The following RBFOX3 variants were observed in gnomAD, a reference collection of about 807,000 sequenced individuals.
RBFOX3 encodes the protein RNA binding fox-1 homolog 3, also known as RNA binding protein fox-1 homolog 3.
In RBFOX3, 17 loss-of-function variants were observed where a neutral mutation model predicts 48.7. That is an observed-to-expected ratio of 0.35 (90% CI 0.24 to 0.52). RBFOX3 has a LOEUF of 0.52. RBFOX3 is among the 20% of genes least tolerant of loss of function. RBFOX3 has a pLI of 0.94. For missense variants in RBFOX3, 382 were observed against 497.5 expected (o/e 0.77, Z 2.21); for synonymous variants, 212 against 209.5 (o/e 1.01, Z -0.10).
chr17:79,596,988 C>T (rs1390406306), intron 1 of RBFOX3, among the ~76,000 whole-genome samples: 7 of 152,188 alleles, frequency 4.6e-5, no homozygotes, highest in African/African-American at 9.7e-5. Context: ...GTCTACTTAA[C>T]GAGCCACGCC....
At chr17:79,172,448 G>A (rs1599795100) in intron 4 of RBFOX3, among the ~76,000 whole-genome samples, 1 of 152,330 alleles carries the variant, frequency 6.6e-6, no homozygotes, top group East Asian at 1.9e-4. Flanking sequence ...GAGGCCTGTG[G>A]TCATGGGAGT....
At chr17:79,340,298 C>CAAA (rs57048189) in intron 2 of RBFOX3, among the ~76,000 whole-genome samples, 1 of 117,652 alleles carries the variant, frequency 8.5e-6, no homozygotes, top group Non-Finnish European at 2.0e-5. Flanking sequence ...GACTCCATCT[C>CAAA]AAAAAAAAAA....
At chr17:79,218,942 C>T (rs116438283) in intron 4 of RBFOX3, among the ~76,000 whole-genome samples, 3 of 152,334 alleles carry the variant, frequency 2.0e-5, no homozygotes, top group African/African-American at 4.8e-5. Flanking sequence ...TTGACCCTCG[C>T]GATTCTGACT....
In RBFOX3 at chr17:79,198,866, T is replaced by C. The variant is rs768370225; in HGVS notation, c.-34+36900A>G. On this transcript the variant is annotated intron_variant, in intron 4 of 14. Coordinates refer to ENST00000693108, the MANE Select transcript of RBFOX3 (RefSeq NM_001350451.2). The surrounding 1 kb of genome is among the most constrained non-coding windows in gnomAD (Gnocchi z 8.2). Reference sequence around the variant, plus strand: ...CTAATCTCGAACTCCTGACCTCAGGTGATCCACTCGCCTCGGCCTCCCAAA... The same window carrying C: ...CTAATCTCGAACTCCTGACCTCAGGCGATCCACTCGCCTCGGCCTCCCAAA... Among the ~76,000 whole-genome samples, 4 of 152,142 alleles carry C rather than the reference T, an allele frequency of 2.6e-5. No homozygotes were observed. The highest frequency in any genetic ancestry group is 4.4e-5 in the Non-Finnish European group (3 of 68,022).
chr17:79,568,395 G>T (rs1384935866), intron 1 of RBFOX3, among the ~76,000 whole-genome samples: 3 of 152,094 alleles, frequency 2.0e-5, no homozygotes, highest in Admixed American at 1.3e-4. Flanking sequence ...ATGCTCACTG[G>T]AGCATTTTGG....
At chr17:79,616,895 G>A in the RBFOX3 span, among the ~76,000 whole-genome samples, 1 of 152,198 alleles carries the variant, frequency 6.6e-6, no homozygotes, top group African/African-American at 2.4e-5. Context: ...GGAGACCTTG[G>A]AGGTCAGAGA....
At chr17:79,149,360 G>T (rs1300884639) in intron 4 of RBFOX3, among the ~76,000 whole-genome samples, 2 of 152,176 alleles carry the variant, frequency 1.3e-5, no homozygotes, top group African/African-American at 4.8e-5. Flanking sequence ...GCACGGGGGA[G>T]GACAAAGGGG....
chr17:79,483,061 G>C (rs1162521917), intron 1 of RBFOX3, among the ~76,000 whole-genome samples: 1 of 152,050 alleles, frequency 6.6e-6, no homozygotes, highest in Non-Finnish European at 1.5e-5. Flanking sequence ...ATATTCATCA[G>C]ATGATGTCAC....
At chr17:79,467,365 G>A (rs2076455764) in intron 2 of RBFOX3, among the ~76,000 whole-genome samples, 1 of 152,324 alleles carries the variant, frequency 6.6e-6, no homozygotes. Context: ...GCAGAGCGGG[G>A]AGGAGGGAGA....
chr17:79,383,031 A>ACAC (rs2060118021), intron 2 of RBFOX3, among the ~76,000 whole-genome samples: 1 of 141,298 alleles, frequency 7.1e-6, no homozygotes, highest in Non-Finnish European at 1.5e-5. Flanking sequence ...CTGCCTCTCA[A>ACAC]ACACACACAC....
chr17:79,444,498 G>A (rs1314595163), intron 2 of RBFOX3, among the ~76,000 whole-genome samples: 1 of 152,068 alleles, frequency 6.6e-6, no homozygotes, highest in Non-Finnish European at 1.5e-5. Context: ...GTGCCTCTGA[G>A]CCACAGCTCC....
intron 14 of RBFOX3, among the ~76,000 whole-genome samples, chr17:79,092,820 C>A (rs966674979): frequency 6.6e-6 from 1 of 152,194 alleles, no homozygotes; most frequent in Non-Finnish European, 1.5e-5. Flanking sequence ...AGAGTAGGAC[C>A]TGCCTCTGAC....
intron 3 of RBFOX3, among the ~76,000 whole-genome samples, chr17:79,293,410 CCCTTCCTTCCTTCCTTCCTTCCTTCCTT>C (rs536224921): frequency 0.021 from 1,656 of 80,306 alleles, 58 homozygotes; most frequent in African/African-American, 0.068. Context: ...TCCCCTCCAC[CCCTTCCTTCCTTCCTTCCTTCCTTCCTT>C]CCTTCCTTCC....
chr17:79,108,380 A>C (rs140992130), intron 5 of RBFOX3, among the ~76,000 whole-genome samples: 2,184 of 152,342 alleles, frequency 0.014, 20 homozygotes, highest in Non-Finnish European at 0.021. Flanking sequence ...CCAAGAAGAG[A>C]GGCTCCAGAG....
intron 3 of RBFOX3, among the ~76,000 whole-genome samples, chr17:79,264,378 T>C (rs1359636525): frequency 6.6e-6 from 1 of 151,852 alleles, no homozygotes; most frequent in Admixed American, 6.6e-5. Flanking sequence ...GCCTGGCTTT[T>C]TTTTTTTTAA....
intron 2 of RBFOX3, among the ~76,000 whole-genome samples, chr17:79,338,076 T>C (rs1275530517): frequency 2.0e-5 from 3 of 152,010 alleles, no homozygotes; most frequent in African/African-American, 7.2e-5. Context: ...GTAGCTAGGA[T>C]TACAGGCACC....
chr17:79,282,448 A>G (rs1870620), intron 3 of RBFOX3, among the ~76,000 whole-genome samples: 5,340 of 152,290 alleles, frequency 0.035, 131 homozygotes, highest in Non-Finnish European at 0.047. Flanking sequence ...AAATGACGAG[A>G]GTGAATTGGA....
chr17:79,174,154 A>C (rs1411781588), intron 4 of RBFOX3, among the ~76,000 whole-genome samples: 3 of 152,148 alleles, frequency 2.0e-5, no homozygotes, highest in Non-Finnish European at 4.4e-5. Flanking sequence ...CTCCAGGGTG[A>C]AAACACCTGG....
chr17:79,207,809 C>A (rs1020372750), intron 4 of RBFOX3, among the ~76,000 whole-genome samples: 2 of 152,208 alleles, frequency 1.3e-5, no homozygotes, highest in African/African-American at 4.8e-5. Context: ...CCTGCACGCT[C>A]ACACCTCCTT....
Sources: gnomAD v4.1 joint callset for allele counts (sites outside exome capture counted in the v4.1 genomes callset) on GRCh38, gnomAD v4.1.1 for gene constraint, Gnocchi (gnomAD v3.1) non-coding constraint, MANE v1.5 for transcripts, NCBI Gene and HGNC (gene_info 2026-07-23, HGNC 2026-07-21) for gene names.